TTN: variants seen among roughly 807,000 people sequenced by gnomAD.
TTN encodes the protein titin.
Under a neutral mutation model 3,223.0 loss-of-function variants are expected in TTN, and 1,525 were observed. The ratio of observed to expected loss-of-function variants is 0.47; its 90% CI spans 0.45 to 0.49. The LOEUF is 0.49. Ranked by LOEUF, TTN falls within the 20% of genes least tolerant of loss-of-function variation. The pLI is 0.00. For missense variants in TTN, 40,786 were observed against 43,424.0 expected (o/e 0.94, Z 5.40); for synonymous variants, 14,094 against 15,161.0 (o/e 0.93, Z 5.17).
chr2:178,544,499 A>C lies in TTN; in HGVS notation c.95730T>G (p.Pro31910=). ...FISCREPSYT[P]GPPSAPRVVD... ...CAACTCTTGGAGCAGAAGGTGGTCCAGGGGTATCTGTGGAATTTAAAAAGT... is the reference window on the plus strand; with the variant it reads ...CAACTCTTGGAGCAGAAGGTGGTCCCGGGGTATCTGTGGAATTTAAAAAGT... The change falls in exon 345 of 363, where the codon CCT becomes CCG. Residue 31910 remains proline (P), a synonymous_variant. Coordinates refer to ENST00000589042, the MANE Select transcript of TTN (RefSeq NM_001267550.2). The C allele has an allele frequency of 1.3e-6, 2 of 1,593,212 alleles. No individual in the cohort carries two copies. Among genetic ancestry groups the C allele is most frequent in the Non-Finnish European group, 1.7e-6 (2 of 1,164,888 alleles).
In TTN at chr2:178,785,836, G is replaced by A; in HGVS notation, c.2370+12C>T. 1 of 1,614,112 alleles carries A rather than the reference G, an allele frequency of 6.2e-7. No homozygotes were observed. The highest frequency in any genetic ancestry group is 8.5e-7 in the Non-Finnish European group (1 of 1,179,990). ...CATGAACAAGGTGAAAAATCAGCAGGTATAGACTCACCTGTGATGATATGT... is the reference window on the plus strand; with the variant it reads ...CATGAACAAGGTGAAAAATCAGCAGATATAGACTCACCTGTGATGATATGT... On this transcript the variant is annotated intron_variant, in intron 14 of 362. Transcript: ENST00000589042.
chr2:178,774,389 G>T lies in TTN; in HGVS notation c.6875C>A (p.Pro2292Gln). Residue 2292 changes from proline (P) to glutamine (Q), a missense_variant, in exon 30 of 363, where the codon CCA (proline) becomes CAA (glutamine). By Grantham distance (76) the Pro-to-Gln change is moderately conservative. Coordinates refer to ENST00000589042, the MANE Select transcript of TTN (RefSeq NM_001267550.2). ...ATACCATTTTCCTTCTATATTTTCT[G>T]GGGATACAATGCACTCTAATTCTCC... ...YSGELECIVS[P>Q]ENIEGKWYHN... 1 of 1,613,898 alleles carries T rather than the reference G, an allele frequency of 6.2e-7. No homozygotes were observed.
At chr2:178,748,147 T>C (rs1487573607) in intron 47 of TTN, 1 of 1,613,218 alleles carries the variant, frequency 6.2e-7, no homozygotes, top group East Asian at 2.2e-5. Context: ...GAGGACAACT[T>C]TTCTCAGAAA....
Position 178,702,466 on chromosome 2 carries a change from G to C in TTN, c.30421C>G (p.Pro10141Ala). Residue 10141 changes from proline to alanine, a missense_variant, in exon 107 of 363, where the codon CCA becomes GCA. Pro to Ala is a conservative substitution (Grantham distance 27). Coordinates refer to ENST00000589042, the MANE Select transcript of TTN (RefSeq NM_001267550.2). ...CHYMTIHNVT[P>A]DDEGVYSVIA... Reference sequence around the variant, plus strand: ...TCAATGAAATCACCTTCATCGTCTGGGGTCACATTGTGGATGGTCATATAA... The same window carrying C: ...TCAATGAAATCACCTTCATCGTCTGCGGTCACATTGTGGATGGTCATATAA... 6.2e-7 allele frequency: 1 copy of C among 1,613,790 alleles called. No homozygotes were observed. Among genetic ancestry groups the C allele is most frequent in the Non-Finnish European group, 8.5e-7 (1 of 1,179,858 alleles).
chr2:178,572,626 T>G lies in TTN; in HGVS notation c.73506A>C (p.Glu24502Asp). The G allele has an allele frequency of 1.2e-6, 2 of 1,613,302 alleles. No individual in the cohort carries two copies. The highest frequency in any genetic ancestry group is 2.2e-5 in the East Asian group (1 of 44,788). Residue 24502 changes from glutamate to aspartate, a missense_variant, in exon 326 of 363, where the codon GAA becomes GAC. Transcript: ENST00000589042. ...ATGCAGACTTGCTGCCTGAACTATTTTCTACAGTTAGTATATATTTGCCAC... is the reference window on the plus strand; with the variant it reads ...ATGCAGACTTGCTGCCTGAACTATTGTCTACAGTTAGTATATATTTGCCAC... The part of the protein sequence containing the change: ...FDSGKYILTV[E>D]NSSGSKSAFV...
chr2:178,552,160 T>C lies in TTN; in HGVS notation c.90740A>G (p.Asp30247Gly), dbSNP rs540756997. Residue 30247 changes from aspartate to glycine, a missense_variant, in exon 335 of 363, where the codon GAT (aspartate) becomes GGT (glycine). Transcript: ENST00000589042. ...TCCTCCTCCATTATCTTCAGGTACA[T>C]CCCATGACAGGATGACACTATCAGC... ...IKADSVILSWDVPEDNGGGEI... is the reference protein window; with the variant it reads ...IKADSVILSWGVPEDNGGGEI... The C allele has an allele frequency of 1.2e-6, 2 of 1,613,852 alleles. No homozygotes were observed. Among genetic ancestry groups the C allele is most frequent in the Admixed American group, 3.3e-5 (2 of 59,996 alleles).
At chr2:178,550,457 C>G (rs1002048913) in intron 336 of TTN, 184 bp from the exon 337 acceptor site, 2 of 561,022 alleles carry the variant, frequency 3.6e-6, no homozygotes, top group African/African-American at 3.8e-5. Context: ...AAATATTTGC[C>G]TATTATTATT....
Position 178,593,946 on chromosome 2 carries a change from C to G in TTN, c.58432+15G>C. ...AAGAACAGAAGATCTATTCTTTCCA[C>G]TAAATAAGACTTACCAACAACATTA... On this transcript the variant is annotated intron_variant, in intron 297 of 362. Coordinates refer to ENST00000589042, the MANE Select transcript of TTN (RefSeq NM_001267550.2). 6.2e-7 allele frequency: 1 copy of G among 1,611,604 alleles called. No individual in the cohort carries two copies. Among genetic ancestry groups the G allele is most frequent in the Non-Finnish European group, 8.5e-7 (1 of 1,179,266 alleles).
In TTN at chr2:178,538,125, G is replaced by C. The variant is rs898584062; in HGVS notation, c.99290-208C>G. ...TGAGCACATCGTCACATTTTATGTA[G>C]AGTGTTTTTTTCTCTTTATGATTGG... On this transcript the variant is annotated intron_variant, in intron 354 of 362. Transcript: ENST00000589042. 3 of 575,704 alleles carry C rather than the reference G, an allele frequency of 5.2e-6. No homozygotes were observed. In the African/African-American group the frequency reaches 5.6e-5, roughly 11 times the overall value. 35.7% of individuals were successfully genotyped at this position (575,704 alleles called of 1,614,324 possible).
chr2:178,589,026 A>G lies in TTN; in HGVS notation c.62699T>C (p.Ile20900Thr), dbSNP rs770522021. 1 of 1,610,342 alleles carries G rather than the reference A, an allele frequency of 6.2e-7. No individual in the cohort carries two copies. The highest frequency in any genetic ancestry group is 2.2e-5 in the East Asian group (1 of 44,584). Reference protein sequence around the residue: ...DDGGCEIQNYILEKCETKRMV... With the variant: ...DDGGCEIQNYTLEKCETKRMV... ...TCGCTTTGTCTCACATTTTTCTAGA[A>G]TATAATTTTGGATTTCACAGCCACC... The change falls in exon 304 of 363, where the codon ATT (isoleucine) becomes ACT (threonine). Residue 20900 changes from isoleucine to threonine, a missense_variant. Coordinates refer to ENST00000589042, the MANE Select transcript of TTN (RefSeq NM_001267550.2).
rs772541126 is a variant in TTN at position 178,548,570 on chromosome 2, G to T, written c.93056C>A (p.Pro31019Gln). 1.2e-6 allele frequency: 2 copies of T among 1,613,860 alleles called. No individual in the cohort carries two copies. Among genetic ancestry groups the T allele is most frequent in the Non-Finnish European group, 1.7e-6 (2 of 1,179,796 alleles). Residue 31019 changes from proline (P) to glutamine (Q), a missense_variant, in exon 339 of 363, where the codon CCA becomes CAA. Pro to Gln is a moderately conservative substitution (Grantham distance 76). Transcript: ENST00000589042. The surrounding 1 kb of genome is among the most constrained non-coding windows in gnomAD (Gnocchi z 4.3). ...FTVKVLDTPG[P>Q]PGPITFKDVT... ...ATCTTTGAAGGTAATTGGGCCAGGTGGGCCTGGAGTGTCTAGCACTTTCAC... is the reference window on the plus strand; with the variant it reads ...ATCTTTGAAGGTAATTGGGCCAGGTTGGCCTGGAGTGTCTAGCACTTTCAC...
At chr2:178,559,235 G>A (rs755321123) in intron 326 of TTN, 76 bp downstream of exon 326, 14 of 1,331,168 alleles carry the variant, frequency 1.1e-5, no homozygotes, top group Admixed American at 4.6e-5. Flanking sequence ...ATGAAATAAC[G>A]ACTAATTAGA....
rs376383610 is a variant in TTN at position 178,722,404 on chromosome 2, G to A, written c.22383C>T (p.Asp7461=). 78 of 1,613,218 alleles carry A rather than the reference G, an allele frequency of 4.8e-5. No homozygotes were observed. Among genetic ancestry groups the A allele is most frequent in the African/African-American group, 4.3e-4 (32 of 74,854 alleles). The change falls in exon 77 of 363, where the codon GAC becomes GAT. Residue 7461 remains aspartate (D), a synonymous_variant. Coordinates refer to ENST00000589042, the MANE Select transcript of TTN (RefSeq NM_001267550.2). ...CWYRDGVLLR[D]DENLQTSFVD... is the part of the protein sequence containing the mutation. The stretch of plus-strand genomic sequence containing the variant: ...CAAATGAAGTCTGTAGATTTTCATC[G>A]TCTCTTAAAAGTACTCCATCTCTAT...
intron 239 of TTN, among the ~76,000 whole-genome samples, chr2:178,629,692 G>C (rs900185377): frequency 3.9e-5 from 6 of 152,086 alleles, no homozygotes; most frequent in African/African-American, 1.4e-4. Flanking sequence ...TGCTGCATCT[G>C]TCTCTCTGCC....
rs1273448289 is a variant in TTN, at chr2:178,728,407, G to A, written c.19427-10C>T. 1.3e-6 allele frequency: 2 copies of A among 1,588,788 alleles called. No homozygotes were observed. The highest frequency in any genetic ancestry group is 1.8e-5 in the Admixed American group (1 of 56,984). On this transcript the variant is annotated splice_polypyrimidine_tract_variant and intron_variant, in intron 66 of 362. Transcript: ENST00000589042. The stretch of plus-strand genomic sequence containing the variant: ...GGAGGAATATTTTGATCTGTCCAAT[G>A]CAAACAGCAAAACACATCCATTAAT...
At position 178,597,695 on chromosome 2, in the gene TTN, A is replaced by C. The variant is rs375305621; in HGVS notation, c.57387T>G (p.Asn19129Lys). The stretch of plus-strand genomic sequence containing the variant: ...TGGCTTCTTGAGGTAAGGTTCTTTC[A>C]TTCATGTTCCAGGTGACGGTTGGAG... ...KPPPTVTWNM[N>K]ERTLPQEATI... The change falls in exon 294 of 363, where the codon AAT becomes AAG. Residue 19129 changes from asparagine to lysine, a missense_variant. Physicochemically the swap from Asn to Lys is moderately conservative, Grantham distance 94 (BLOSUM62 0). Coordinates refer to ENST00000589042, the MANE Select transcript of TTN (RefSeq NM_001267550.2). 19 of 1,613,260 alleles carry C rather than the reference A, an allele frequency of 1.2e-5. No homozygotes were observed. Among genetic ancestry groups the C allele is most frequent in the Non-Finnish European group, 1.5e-5 (18 of 1,179,576 alleles).
rs778669958 is a variant in TTN at position 178,664,848 on chromosome 2, G to A, written c.36118+4C>T. 8.7e-6 allele frequency: 14 copies of A among 1,611,316 alleles called. No individual in the cohort carries two copies. The African/African-American group carries it at 1.7e-4, about 20-fold the overall frequency. On this transcript the variant is annotated splice_donor_region_variant and intron_variant, in intron 166 of 362. Transcript: ENST00000589042. ...CTTGACCCTGAGAGCATGGTGACTTGTACCTTTAACTGATGGGGGTTCTCT... is the reference window on the plus strand; with the variant it reads ...CTTGACCCTGAGAGCATGGTGACTTATACCTTTAACTGATGGGGGTTCTCT...
chr2:178,538,153 G>C, intron 354 of TTN: 1 of 544,040 alleles, frequency 1.8e-6, no homozygotes, highest in South Asian at 2.8e-5. Context: ...ATGATTGGAA[G>C]GGGATTAATA....
chr2:178,718,613 A>G lies in TTN; in HGVS notation c.24506-13T>C. 6.2e-7 allele frequency: 1 copy of G among 1,606,564 alleles called. No homozygotes were observed. Among genetic ancestry groups the G allele is most frequent in the Non-Finnish European group, 8.5e-7 (1 of 1,175,848 alleles). On this transcript the variant is annotated splice_polypyrimidine_tract_variant and intron_variant, in intron 84 of 362. Transcript: ENST00000589042. ...AAGGTGGCTGGTTCTATAAGGAGAA[A>G]ACATGTGGGTAAAATTCTTGCCTTC...
Sources: allele counts gnomAD v4.1 joint callset (sites outside exome capture counted in the v4.1 genomes callset), GRCh38; gene constraint gnomAD v4.1.1; non-coding constraint Gnocchi (gnomAD v3.1); transcripts MANE v1.5; gene names NCBI Gene and HGNC (gene_info 2026-07-23, HGNC 2026-07-21).